Variants in CEP85L observed in about 807,000 individuals in gnomAD.
The protein encoded by CEP85L is centrosomal protein of 85 kDa-like.
Under a neutral mutation model 100.3 loss-of-function variants are expected in CEP85L, and 60 were observed. That is an observed-to-expected ratio of 0.60 (90% CI 0.49 to 0.74). The LOEUF is 0.74. Among genes scored for constraint, CEP85L ranks in the 30% least tolerant of loss-of-function variants. The pLI, the probability that CEP85L is intolerant of heterozygous loss-of-function variation, is 0.00. For synonymous variants in CEP85L, 319 were observed against 322.7 expected, an observed-to-expected ratio of 0.99 and a Z score of 0.12; for missense variants, 973 against 936.2, an observed-to-expected ratio of 1.04 and a Z score of -0.51.
rs1208196646 is a variant in CEP85L, at chr6:118,647,080, TTA to T, written c.73+4115_73+4116del. ...ATGTTCAGTTGGGTTTAGGCCAGAG[TTA>T]TGTTTCATTGTTACCACAGTATTCC... On this transcript the variant is annotated intron_variant, in intron 1 of 12. Transcript: ENST00000368491. 2.4e-5 allele frequency: 24 copies of T among 984,952 alleles called. No individual in the cohort carries two copies. The South Asian group carries it at 8.5e-4, about 35-fold the overall frequency. The allele number at this position is 984,952 out of a possible 1,614,324, so 61.0% of individuals were successfully genotyped here.
intron 3 of CEP85L, among the ~76,000 whole-genome samples, chr6:118,531,977 T>C (rs566557218): frequency 1.3e-5 from 2 of 152,294 alleles, no homozygotes; most frequent in African/African-American, 2.4e-5. Flanking sequence ...GAATTACCAT[T>C]TGACATGGCA....
chr6:118,648,886 A>C (rs1452132662), intron 1 of CEP85L, among the ~76,000 whole-genome samples: 2 of 152,222 alleles, frequency 1.3e-5, no homozygotes, highest in East Asian at 3.8e-4. Flanking sequence ...TTAATACCAG[A>C]AATTATTTAC....
intron 1 of CEP85L, among the ~76,000 whole-genome samples, chr6:118,650,833 C>T (rs1400989526): frequency 6.6e-6 from 1 of 152,190 alleles, no homozygotes; most frequent in Non-Finnish European, 1.5e-5. Flanking sequence ...CGGGTCCCCG[C>T]GAGCAAACGG....
chr6:118,479,963 T>C, intron 9 of CEP85L, 42 bp from the exon 10 acceptor site: 1 of 1,038,198 alleles, frequency 9.6e-7, no homozygotes, highest in South Asian at 1.5e-5. Flanking sequence ...AATTTTTACA[T>C]CGCTTCTTAA....
In CEP85L at chr6:118,502,331, C is replaced by T; in HGVS notation, c.1257+8967G>A. On this transcript the variant is annotated intron_variant, in intron 5 of 12. Transcript: ENST00000368491. ...CTGATCTTCCAAGCAATTTCAGCAA[C>T]CATGAGTTTCTGGCCCCATGCCAAG... 5.8e-6 allele frequency: 3 copies of T among 516,150 alleles called. No homozygotes were observed. The South Asian group carries it at 6.0e-5, about 10-fold the overall frequency. The allele number at this position is 516,150 out of a possible 1,614,324, so 32.0% of individuals were successfully genotyped here. A position where few individuals can be genotyped will look rare whatever the true frequency, so the allele number is the denominator to read the frequency against.
chr6:118,537,714 T>C (rs1777672972), intron 3 of CEP85L: 1 of 985,240 alleles, frequency 1.0e-6, no homozygotes, highest in Non-Finnish European at 1.2e-6. Flanking sequence ...TTCAAAATTC[T>C]TTGGCCTGGA....
chr6:118,491,622 A>C, intron 6 of CEP85L, 64 bp downstream of exon 6: 1 of 1,559,078 alleles, frequency 6.4e-7, no homozygotes, highest in Non-Finnish European at 8.7e-7. Context: ...GGTAAATGAC[A>C]GACAAATAAT....
chr6:118,549,540 T>C (rs1778414195), intron 3 of CEP85L, among the ~76,000 whole-genome samples: 1 of 151,860 alleles, frequency 6.6e-6, no homozygotes, highest in Non-Finnish European at 1.5e-5. Context: ...GTTAATTCTA[T>C]TGCTCACTAC....
At chr6:118,596,645 C>T (rs1330418747) in intron 2 of CEP85L, among the ~76,000 whole-genome samples, 1 of 151,944 alleles carries the variant, frequency 6.6e-6, no homozygotes, top group Non-Finnish European at 1.5e-5. Flanking sequence ...CAGGTAATAT[C>T]TTAATACAAC....
intron 2 of CEP85L, among the ~76,000 whole-genome samples, chr6:118,624,371 G>A (rs575782737): frequency 1.8e-4 from 27 of 151,870 alleles, no homozygotes; most frequent in African/African-American, 6.3e-4. Flanking sequence ...TTTTTCTATC[G>A]TCCTTCCTTT....
intron 1 of CEP85L, among the ~76,000 whole-genome samples, chr6:118,633,102 A>AC (rs1774271925): frequency 1.3e-5 from 2 of 152,128 alleles, no homozygotes; most frequent in Admixed American, 6.5e-5. Flanking sequence ...TACAATCATC[A>AC]CTTAAAATTT....
chr6:118,474,854 T>C (rs1025900256), intron 10 of CEP85L, among the ~76,000 whole-genome samples: 2 of 152,234 alleles, frequency 1.3e-5, no homozygotes, highest in Non-Finnish European at 2.9e-5. Flanking sequence ...AGGATACTAT[T>C]AGACCCATTG....
chr6:118,630,095 A>G (rs921496126), intron 2 of CEP85L, among the ~76,000 whole-genome samples: 2 of 152,220 alleles, frequency 1.3e-5, no homozygotes, highest in African/African-American at 4.8e-5. Flanking sequence ...CCTTTTACAT[A>G]TAGAACCTAA....
At chr6:118,528,462 A>G (rs1777102127) in intron 3 of CEP85L, among the ~76,000 whole-genome samples, 1 of 152,118 alleles carries the variant, frequency 6.6e-6, no homozygotes. Context: ...AAAAATTGAG[A>G]GCTCTGAAAC....
intron 3 of CEP85L, among the ~76,000 whole-genome samples, chr6:118,533,860 C>T (rs1339909847): frequency 1.3e-5 from 2 of 152,094 alleles, no homozygotes; most frequent in Non-Finnish European, 2.9e-5. Flanking sequence ...TTTTGGAGGC[C>T]GAGGCAGGTG....
chr6:118,559,346 C>A, intron 3 of CEP85L: 1 of 433,946 alleles, frequency 2.3e-6, no homozygotes, highest in Non-Finnish European at 4.4e-6. Context: ...CAACATGGCT[C>A]ACAAATTTCT....
intron 1 of CEP85L, among the ~76,000 whole-genome samples, chr6:118,699,747 T>C (rs1023343935): frequency 1.2e-4 from 18 of 151,992 alleles, no homozygotes; most frequent in African/African-American, 3.6e-4. Context: ...GCTGGAGGAG[T>C]GCAATGGCAT....
Position 118,647,813 on chromosome 6 carries a change from C to CGA in CEP85L, c.73+3383_73+3384insTC, listed in dbSNP as rs544103944. On this transcript the variant is annotated intron_variant, in intron 1 of 12. Coordinates refer to ENST00000368491, the MANE Select transcript of CEP85L (RefSeq NM_001042475.3). ...CTTCATCCAACTTGAAACCAGTATA[C>CGA]ATTCTGAACAATAGGGTAATCTCAA... Among the ~76,000 whole-genome samples the CGA allele has an allele frequency of 3.1e-3, 477 of 152,316 alleles. 2 individuals are homozygous for CGA. The highest frequency in any genetic ancestry group is 0.011 in the African/African-American group (449 of 41,560).
rs1301992881 is a variant in CEP85L, at chr6:118,600,291, CT to C, written c.232+32161del. Reference sequence around the variant, plus strand: ...AACCTAGTACTGCCTGTCCCTGAGCCTTCCTGGGGGTGTGTGTGTGTGTGTG... The same window carrying C: ...AACCTAGTACTGCCTGTCCCTGAGCCTCCTGGGGGTGTGTGTGTGTGTGTG... On this transcript the variant is annotated intron_variant, in intron 2 of 12. Transcript: ENST00000368491. 1.5e-4 allele frequency among the ~76,000 whole-genome samples: 3 copies of C among 20,432 alleles called. 1 individual carries two copies. The highest frequency in any genetic ancestry group is 5.1e-4 in the African/African-American group (3 of 5,854). The allele number at this position is 20,432 out of a possible 152,430, so 13.4% of individuals were successfully genotyped here. A position where few individuals can be genotyped will look rare whatever the true frequency, so the allele number is the denominator to read the frequency against.
Sources: gnomAD v4.1 joint callset for allele counts (sites outside exome capture counted in the v4.1 genomes callset) on GRCh38, gnomAD v4.1.1 for gene constraint, MANE v1.5 for transcripts, NCBI Gene and HGNC (gene_info 2026-07-23, HGNC 2026-07-21) for gene names.